Variants in NTRK3 observed in about 807,000 individuals in gnomAD.
The protein encoded by NTRK3 is NT-3 growth factor receptor.
Under a neutral mutation model 91.7 loss-of-function variants are expected in NTRK3, and 24 were observed. That is an observed-to-expected ratio of 0.26 (90% confidence interval 0.19 to 0.37). The LOEUF (loss-of-function observed/expected upper bound fraction) is 0.37, where lower values mean the gene tolerates loss of function less well. Among genes scored for constraint, NTRK3 ranks in the 10% least tolerant of loss-of-function variants. The pLI, the probability that NTRK3 is intolerant of heterozygous loss-of-function variation, is 1.00. For synonymous variants in NTRK3, 483 were observed against 404.0 expected, an observed-to-expected ratio of 1.20 and a Z score of -2.34; for missense variants, 880 against 1,068.9, an observed-to-expected ratio of 0.82 and a Z score of 2.46.
At chr15:88,115,310 G>C (rs2051918000) in intron 13 of NTRK3, among the ~76,000 whole-genome samples, 1 of 152,190 alleles carries the variant, frequency 6.6e-6, no homozygotes, top group African/African-American at 2.4e-5. Context: ...TGGTGCTATG[G>C]CAGCCATTTT....
At chr15:88,009,852 A>T (rs1354408882) in intron 14 of NTRK3, among the ~76,000 whole-genome samples, 1 of 152,130 alleles carries the variant, frequency 6.6e-6, no homozygotes, top group Non-Finnish European at 1.5e-5. Context: ...TGTTCTCAGA[A>T]TCTCCTCAGA....
intron 10 of NTRK3, 59 bp downstream of exon 10, chr15:88,135,042 C>T: frequency 1.3e-6 from 2 of 1,590,544 alleles, no homozygotes; most frequent in Non-Finnish European, 1.7e-6. Flanking sequence ...TACCATGCCC[C>T]ATCTCCCAAG....
rs139070914 is a variant in NTRK3 at position 88,201,350 on chromosome 15, C to T, written c.249-17051G>A. Among the ~76,000 whole-genome samples, 4 of 152,296 alleles carry T rather than the reference C, an allele frequency of 2.6e-5. No homozygotes were observed. In the East Asian group the frequency reaches 7.7e-4, roughly 29 times the overall value. The stretch of plus-strand genomic sequence containing the variant: ...AGCTGCATTTACAAGTGTGCAGACA[C>T]CTACCACCCACGGGTCTCATGGGTG... On this transcript the variant is annotated intron_variant, in intron 3 of 18. Transcript: ENST00000394480.
intron 13 of NTRK3, among the ~76,000 whole-genome samples, chr15:88,073,310 T>C (rs1428209232): frequency 6.6e-6 from 1 of 152,214 alleles, no homozygotes; most frequent in Non-Finnish European, 1.5e-5. Context: ...TTCAGCTGAC[T>C]GGGAAGCATG....
intron 3 of NTRK3, among the ~76,000 whole-genome samples, chr15:88,195,204 C>A (rs544795908): frequency 6.6e-6 from 1 of 152,110 alleles, no homozygotes; most frequent in Non-Finnish European, 1.5e-5. Flanking sequence ...ATATCAGTAG[C>A]GCTAAGGTTG....
chr15:88,230,545 T>G (rs1420646149), intron 3 of NTRK3, among the ~76,000 whole-genome samples: 1 of 152,190 alleles, frequency 6.6e-6, no homozygotes, highest in Non-Finnish European at 1.5e-5. Flanking sequence ...AGTAAAAAGT[T>G]ATTTTGAAAA....
At chr15:88,250,495 C>T (rs535233696) in intron 3 of NTRK3, among the ~76,000 whole-genome samples, 2 of 152,300 alleles carry the variant, frequency 1.3e-5, no homozygotes, top group South Asian at 4.2e-4. Context: ...AAGGTAGGAT[C>T]CCAGTAGGCA....
intron 14 of NTRK3, among the ~76,000 whole-genome samples, chr15:88,018,815 C>T (rs2077415165): frequency 1.3e-5 from 2 of 152,076 alleles, no homozygotes; most frequent in South Asian, 4.2e-4. Flanking sequence ...AAGCACTACG[C>T]AGTGTATGAT....
chr15:87,921,343 C>G (rs1002409543), intron 17 of NTRK3, among the ~76,000 whole-genome samples: 1 of 152,194 alleles, frequency 6.6e-6, no homozygotes, highest in African/African-American at 2.4e-5. Context: ...TCATTGGTGC[C>G]TGGGTCTACT....
At chr15:87,917,188 C>A (rs2067507719) in intron 17 of NTRK3, among the ~76,000 whole-genome samples, 2 of 152,184 alleles carry the variant, frequency 1.3e-5, no homozygotes, top group African/African-American at 4.8e-5. Context: ...TACCTTGTAG[C>A]AGGTAGGATT....
At chr15:87,912,883 C>T (rs569846875) in intron 17 of NTRK3, among the ~76,000 whole-genome samples, 4 of 143,542 alleles carry the variant, frequency 2.8e-5, no homozygotes, top group South Asian at 2.3e-4. Context: ...AGAACTCTAG[C>T]GGCAAACCCT....
intron 3 of NTRK3, among the ~76,000 whole-genome samples, chr15:88,213,073 T>C (rs898779485): frequency 5.9e-5 from 9 of 152,240 alleles, no homozygotes; most frequent in Non-Finnish European, 1.0e-4. Context: ...ATGTGCTTCT[T>C]TCTATGCCTG....
chr15:87,876,462 C>G (rs536999318), exon 19 of NTRK3: 1 of 228,532 alleles, frequency 4.4e-6, no homozygotes, highest in African/African-American at 2.2e-5. Context: ...CTGAGCACCA[C>G]CTTAACTCCT....
intron 13 of NTRK3, among the ~76,000 whole-genome samples, chr15:88,065,636 G>A (rs2046585585): frequency 6.6e-6 from 1 of 152,130 alleles, no homozygotes; most frequent in Non-Finnish European, 1.5e-5. Flanking sequence ...AATCCTCTGG[G>A]TACAAGTCCA....
intron 14 of NTRK3, among the ~76,000 whole-genome samples, chr15:87,979,971 C>T (rs1431740065): frequency 1.3e-5 from 2 of 152,186 alleles, no homozygotes; most frequent in African/African-American, 4.8e-5. Context: ...CTTCTGACCA[C>T]ACCAGGAGGT....
chr15:88,242,051 G>T (rs568893805), intron 3 of NTRK3, among the ~76,000 whole-genome samples: 19 of 152,286 alleles, frequency 1.2e-4, no homozygotes, highest in African/African-American at 4.6e-4. Context: ...CACAAATAGA[G>T]AAACGAATGA....
At chr15:88,154,269 C>T (rs1396548230) in intron 5 of NTRK3, among the ~76,000 whole-genome samples, 1 of 152,140 alleles carries the variant, frequency 6.6e-6, no homozygotes, top group Non-Finnish European at 1.5e-5. Flanking sequence ...CAGCCTACCA[C>T]CAAAGGAGCT....
At chr15:87,969,014 T>C (rs1222226195) in intron 14 of NTRK3, among the ~76,000 whole-genome samples, 1 of 152,162 alleles carries the variant, frequency 6.6e-6, no homozygotes, top group African/African-American at 2.4e-5. Context: ...TCACATAACA[T>C]AGATGCTATC....
intron 18 of NTRK3, 136 bp from the exon 20 acceptor site, chr15:87,877,256 G>T: frequency 3.3e-6 from 3 of 908,798 alleles, no homozygotes; most frequent in Non-Finnish European, 5.3e-6. Flanking sequence ...CAAGCTAAAG[G>T]CTAGGCTGTA....
Sources: gnomAD v4.1 joint callset for allele counts (sites outside exome capture counted in the v4.1 genomes callset) on GRCh38, gnomAD v4.1.1 for gene constraint, MANE v1.5 for transcripts, NCBI Gene and HGNC (gene_info 2026-07-23, HGNC 2026-07-21) for gene names.